PAPPA: variants seen among roughly 807,000 people sequenced by gnomAD.
The protein encoded by PAPPA is pappalysin-1.
PAPPA carries 60 observed loss-of-function variants against 164.0 expected under a neutral mutation model. That is an observed-to-expected ratio of 0.37 (90% CI 0.30 to 0.45). The LOEUF (loss-of-function observed/expected upper bound fraction) is 0.45, where lower values mean the gene tolerates loss of function less well. Ranked by LOEUF, PAPPA falls within the 20% of genes least tolerant of loss-of-function variation. The probability of loss-of-function intolerance (pLI) is 1.00; values close to 1 mark genes in which losing one functional copy is unlikely to be tolerated. For synonymous variants in PAPPA, 875 were observed against 814.1 expected, an observed-to-expected ratio of 1.07 and a Z score of -1.27; for missense variants, 1,782 against 2,087.3, an observed-to-expected ratio of 0.85 and a Z score of 2.85.
At chr9:116,249,513 T>A (rs1844835076) in intron 7 of PAPPA, among the ~76,000 whole-genome samples, 1 of 152,148 alleles carries the variant, frequency 6.6e-6, no homozygotes, top group South Asian at 2.1e-4. Flanking sequence ...TCATTAGATT[T>A]GGTTTTAGGA....
intron 1 of PAPPA, among the ~76,000 whole-genome samples, chr9:116,182,230 T>A (rs1843915104): frequency 6.6e-6 from 1 of 152,226 alleles, no homozygotes; most frequent in African/African-American, 2.4e-5. Flanking sequence ...ATGTTCTCAA[T>A]AAAGAGTAAG....
At chr9:116,329,084 C>A (rs988761558) in intron 10 of PAPPA, among the ~76,000 whole-genome samples, 4 of 152,046 alleles carry the variant, frequency 2.6e-5, no homozygotes, top group African/African-American at 9.7e-5. Context: ...CTCCTCGAAG[C>A]CAGAACCATT....
rs374126759 is a variant in PAPPA, at chr9:116,362,573, C to G, written c.4348-19C>G. Reference sequence around the variant, plus strand: ...GCTGGTGTCTCTCTTGGTCCTAACTCTGTTTCTCTGTTGTTCAGGGACTTG... The same window carrying G: ...GCTGGTGTCTCTCTTGGTCCTAACTGTGTTTCTCTGTTGTTCAGGGACTTG... On this transcript the variant is annotated intron_variant, in intron 17 of 21. Coordinates refer to ENST00000328252, the MANE Select transcript of PAPPA (RefSeq NM_002581.5). 129 of 1,609,992 alleles carry G rather than the reference C, an allele frequency of 8.0e-5. No homozygotes were observed. The highest frequency in any genetic ancestry group is 1.3e-5 in the Non-Finnish European group (15 of 1,177,948).
chr9:116,160,686 C>T (rs902017914), intron 1 of PAPPA, among the ~76,000 whole-genome samples: 4 of 152,164 alleles, frequency 2.6e-5, no homozygotes, highest in African/African-American at 7.2e-5. Flanking sequence ...TATTTCTCTC[C>T]GCACCAGCTG....
chr9:116,190,272 G>A (rs750895820), intron 2 of PAPPA, among the ~76,000 whole-genome samples: 7 of 152,174 alleles, frequency 4.6e-5, no homozygotes, highest in African/African-American at 9.7e-5. Context: ...GAGAGTGGGC[G>A]TGGGGTAGGA....
intron 3 of PAPPA, among the ~76,000 whole-genome samples, chr9:116,211,344 C>T (rs1050083188): frequency 2.6e-5 from 4 of 152,198 alleles, no homozygotes; most frequent in African/African-American, 9.7e-5. Flanking sequence ...CTGAATTGCT[C>T]TCCATTGAAA....
intron 20 of PAPPA, among the ~76,000 whole-genome samples, chr9:116,379,727 A>C (rs1352793700): frequency 6.6e-6 from 1 of 152,240 alleles, no homozygotes; most frequent in Non-Finnish European, 1.5e-5. Context: ...GAGAATTTTA[A>C]AATCCTGAAG....
chr9:116,203,812 T>C (rs1248973525), intron 2 of PAPPA, among the ~76,000 whole-genome samples: 1 of 152,090 alleles, frequency 6.6e-6, no homozygotes, highest in African/African-American at 2.4e-5. Context: ...GCAGGGTTCA[T>C]AAGATTTAAA....
chr9:116,332,365 T>G lies in PAPPA; in HGVS notation c.3294T>G (p.Ala1098=), dbSNP rs778089915. 2 of 1,613,912 alleles carry G rather than the reference T, an allele frequency of 1.2e-6. No individual in the cohort carries two copies. Among genetic ancestry groups the G allele is most frequent in the Non-Finnish European group, 1.7e-6 (2 of 1,179,788 alleles). ...TTTCTCAACCAATGGTTGCCGCAGC[T>G]GTCATTGTCCACCTGGTGACGGATG... ...AYFSQPMVAA[A]VIVHLVTDGT... is the part of the protein sequence containing the mutation. Residue 1098 remains alanine, a synonymous_variant, in exon 12 of 22, where the codon GCT becomes GCG. Coordinates refer to ENST00000328252, the MANE Select transcript of PAPPA (RefSeq NM_002581.5).
At chr9:116,256,073 G>T in intron 7 of PAPPA, among the ~76,000 whole-genome samples, 1 of 149,960 alleles carries the variant, frequency 6.7e-6, no homozygotes. Context: ...ACGTAAAATC[G>T]CTCTGAGGGA....
intron 10 of PAPPA, among the ~76,000 whole-genome samples, chr9:116,320,077 C>T (rs1376633819): frequency 1.3e-5 from 2 of 152,154 alleles, no homozygotes; most frequent in Non-Finnish European, 2.9e-5. Context: ...GATTCTGAAC[C>T]ATATCATTTC....
Position 116,397,620 on chromosome 9 carries a change from C to T in PAPPA, c.*1004C>T, listed in dbSNP as rs948105270. The T allele has an allele frequency of 3.3e-5, 5 of 152,654 alleles. No individual in the cohort carries two copies. The highest frequency in any genetic ancestry group is 9.6e-5 in the African/African-American group (4 of 41,462). 9.5% of individuals were successfully genotyped at this position (152,654 alleles called of 1,614,324 possible). A position where few individuals can be genotyped will look rare whatever the true frequency, so the allele number is the denominator to read the frequency against. ...CAAGAGAAAAACCCTCATGGGTCCA[C>T]ATGGTGAGAAGTTAAGTTTCCTGTA... On this transcript the variant is annotated 3_prime_UTR_variant, in exon 22 of 22. Coordinates refer to ENST00000328252, the MANE Select transcript of PAPPA (RefSeq NM_002581.5).
intron 2 of PAPPA, among the ~76,000 whole-genome samples, chr9:116,201,612 T>C (rs948147515): frequency 6.6e-6 from 1 of 152,194 alleles, no homozygotes; most frequent in East Asian, 1.9e-4. Context: ...GGTACTCTTC[T>C]AGGCATTTCC....
chr9:116,259,816 T>C (rs986236017), intron 7 of PAPPA, among the ~76,000 whole-genome samples: 1 of 152,196 alleles, frequency 6.6e-6, no homozygotes, highest in Non-Finnish European at 1.5e-5. Flanking sequence ...AAACTCTTGC[T>C]ATGTGCACAG....
At chr9:116,192,782 G>A (rs1417122292) in intron 2 of PAPPA, among the ~76,000 whole-genome samples, 1 of 152,124 alleles carries the variant, frequency 6.6e-6, no homozygotes, top group Non-Finnish European at 1.5e-5. Flanking sequence ...CATTAGAGAT[G>A]TCTCCACGCA....
intron 2 of PAPPA, among the ~76,000 whole-genome samples, chr9:116,206,236 C>A (rs1203859897): frequency 6.6e-6 from 1 of 152,146 alleles, no homozygotes; most frequent in African/African-American, 2.4e-5. Context: ...CTGGGCCCAC[C>A]TATCTCCAAC....
intron 21 of PAPPA, among the ~76,000 whole-genome samples, chr9:116,386,764 C>CAA (rs1846819447): frequency 6.6e-6 from 1 of 152,120 alleles, no homozygotes; most frequent in African/African-American, 2.4e-5. Context: ...GGAACTTTGG[C>CAA]AAAGAGGAGA....
rs1325449727 is a variant in PAPPA at position 116,377,537 on chromosome 9, TCCCAAG to T, written c.4606-34_4606-29del. 2.7e-6 allele frequency: 4 copies of T among 1,501,198 alleles called. No individual in the cohort carries two copies. In the African/African-American group the frequency reaches 5.5e-5, roughly 21 times the overall value. The allele number at this position is 1,501,198 out of a possible 1,614,324, so 93.0% of individuals were successfully genotyped here. A position where few individuals can be genotyped will look rare whatever the true frequency, so the allele number is the denominator to read the frequency against. ...CAACACGGAGGTGGGTCCCTCCCAA[TCCCAAG>T]CCCATCTGACCTTTCTCTCCCTCTT... On this transcript the variant is annotated intron_variant, in intron 19 of 21. Coordinates refer to ENST00000328252, the MANE Select transcript of PAPPA (RefSeq NM_002581.5).
intron 21 of PAPPA, among the ~76,000 whole-genome samples, chr9:116,395,066 T>G (rs1424563664): frequency 6.6e-5 from 10 of 152,104 alleles, no homozygotes; most frequent in Non-Finnish European, 1.5e-4. Flanking sequence ...GTGTGAGGTG[T>G]TTTCATGAGT....
Sources: allele counts gnomAD v4.1 joint callset (sites outside exome capture counted in the v4.1 genomes callset), GRCh38; gene constraint gnomAD v4.1.1; transcripts MANE v1.5; gene names NCBI Gene and HGNC (gene_info 2026-07-23, HGNC 2026-07-21).